HDAC9: variants seen among roughly 807,000 people sequenced by gnomAD.
HDAC9 encodes the protein histone deacetylase 9.
HDAC9 carries 41 observed loss-of-function variants against 139.4 expected under a neutral mutation model. The ratio of observed to expected loss-of-function variants is 0.29; its 90% confidence interval spans 0.23 to 0.38. The LOEUF (loss-of-function observed/expected upper bound fraction) is 0.38, where lower values mean the gene tolerates loss of function less well. Ranked by LOEUF, HDAC9 falls within the 10% of genes least tolerant of loss-of-function variation. The pLI, the probability that HDAC9 is intolerant of heterozygous loss-of-function variation, is 1.00. For synonymous variants in HDAC9, 517 were observed against 476.2 expected, an observed-to-expected ratio of 1.09 and a Z score of -1.12; for missense variants, 1,147 against 1,297.0, an observed-to-expected ratio of 0.88 and a Z score of 1.78.
intron 11 of HDAC9, 98 bp downstream of exon 11, chr7:18,648,781 T>A: frequency 3.0e-6 from 3 of 1,009,284 alleles, no homozygotes; most frequent in Admixed American, 4.3e-5. Context: ...TTGATGGGAG[T>A]CACAGCAAAA....
chr7:18,501,466 G>A (rs1429957148), intron 2 of HDAC9, among the ~76,000 whole-genome samples: 2 of 152,094 alleles, frequency 1.3e-5, no homozygotes, highest in Admixed American at 6.5e-5. Context: ...TTTGGAAATA[G>A]TATCTCTTAC....
At chr7:18,112,122 G>A (rs1367653798) in intron 1 of HDAC9, among the ~76,000 whole-genome samples, 1 of 152,218 alleles carries the variant, frequency 6.6e-6, no homozygotes, top group East Asian at 1.9e-4. Flanking sequence ...TATTATCTAT[G>A]CTCTTAAGGT....
At chr7:18,560,210 C>T (rs568411224) in intron 2 of HDAC9, among the ~76,000 whole-genome samples, 13 of 152,212 alleles carry the variant, frequency 8.5e-5, no homozygotes, top group African/African-American at 3.1e-4. Flanking sequence ...TATCTGTCAG[C>T]AGAGAGATAT....
chr7:18,579,799 G>A (rs1424037455), intron 2 of HDAC9, among the ~76,000 whole-genome samples: 1 of 152,044 alleles, frequency 6.6e-6, no homozygotes, highest in Non-Finnish European at 1.5e-5. Flanking sequence ...GCCTGTGTGT[G>A]TGTGTGTGTA....
chr7:18,337,714 A>C (rs1375949511), intron 1 of HDAC9, among the ~76,000 whole-genome samples: 1 of 151,756 alleles, frequency 6.6e-6, no homozygotes, highest in Non-Finnish European at 1.5e-5. Flanking sequence ...TTCATTATTG[A>C]ATGTATTTGA....
At chr7:18,968,205 A>G (rs1784009469) in intron 24 of HDAC9, among the ~76,000 whole-genome samples, 1 of 152,242 alleles carries the variant, frequency 6.6e-6, no homozygotes, top group African/African-American at 2.4e-5. Flanking sequence ...AGACAGTTCA[A>G]AATTTCTCTC....
At chr7:18,586,725 C>T (rs1255643853) in intron 3 of HDAC9, among the ~76,000 whole-genome samples, 1 of 151,952 alleles carries the variant, frequency 6.6e-6, no homozygotes, top group African/African-American at 2.4e-5. Context: ...ATATTTATTT[C>T]TTTTAGTAGT....
intron 2 of HDAC9, among the ~76,000 whole-genome samples, chr7:18,267,430 C>G (rs755186273): frequency 3.3e-5 from 5 of 152,018 alleles, no homozygotes; most frequent in Non-Finnish European, 7.4e-5. Context: ...ATCTTTTGAC[C>G]AAGAGCTCCC....
intron 2 of HDAC9, among the ~76,000 whole-genome samples, chr7:18,253,640 A>C (rs1795064545): frequency 6.6e-6 from 1 of 152,158 alleles, no homozygotes; most frequent in Non-Finnish European, 1.5e-5. Flanking sequence ...ATAAAGGATT[A>C]TTTCTCACCA....
chr7:18,560,978 G>T (rs116084329), intron 2 of HDAC9, among the ~76,000 whole-genome samples: 4 of 151,988 alleles, frequency 2.6e-5, no homozygotes, highest in Non-Finnish European at 5.9e-5. Flanking sequence ...TAAGACACTG[G>T]CGCCTTTGAA....
At chr7:18,679,381 G>A (rs559668204) in intron 12 of HDAC9, among the ~76,000 whole-genome samples, 14 of 151,846 alleles carry the variant, frequency 9.2e-5, no homozygotes, top group Middle Eastern at 6.8e-3. Context: ...CAATTACATT[G>A]GTTAAACTAT....
intron 1 of HDAC9, among the ~76,000 whole-genome samples, chr7:18,420,562 G>A (rs1789525194): frequency 6.6e-6 from 1 of 151,948 alleles, no homozygotes; most frequent in Non-Finnish European, 1.5e-5. Context: ...CATGCTGCAG[G>A]GTAAGTAAAG....
chr7:18,954,400 T>G, intron 24 of HDAC9, 170 bp downstream of exon 24: 1 of 547,988 alleles, frequency 1.8e-6, no homozygotes, highest in Non-Finnish European at 3.1e-6. Flanking sequence ...TATCTTACAC[T>G]GATGACAAAA....
intron 2 of HDAC9, among the ~76,000 whole-genome samples, chr7:18,239,651 A>G (rs183610065): frequency 9.8e-4 from 150 of 152,336 alleles, no homozygotes; most frequent in Non-Finnish European, 7.1e-4. Context: ...AAAACATTTC[A>G]GATGACATGA....
chr7:18,808,693 G>T (rs1325460391), intron 17 of HDAC9, among the ~76,000 whole-genome samples: 2 of 151,828 alleles, frequency 1.3e-5, no homozygotes, highest in African/African-American at 4.8e-5. Flanking sequence ...TGGACTGGAA[G>T]AATTAACATT....
intron 1 of HDAC9, among the ~76,000 whole-genome samples, chr7:18,139,506 G>A (rs1035284955): frequency 1.1e-4 from 17 of 152,002 alleles, no homozygotes; most frequent in African/African-American, 3.6e-4. Flanking sequence ...TACACACTAC[G>A]TTTGCTATTC....
At chr7:18,464,522 C>G (rs1252080671) in intron 1 of HDAC9, among the ~76,000 whole-genome samples, 1 of 151,994 alleles carries the variant, frequency 6.6e-6, no homozygotes, top group African/African-American at 2.4e-5. Context: ...CTTGTCTCTT[C>G]ACATGCCTAG....
At position 18,309,543 on chromosome 7, in the gene HDAC9, G is replaced by T. The variant is rs376814586; in HGVS notation, c.-42+19028G>T. Among the ~76,000 whole-genome samples the T allele has an allele frequency of 3.3e-4, 51 of 152,266 alleles. No individual in the cohort carries two copies. The East Asian group carries it at 4.4e-3, about 13-fold the overall frequency. ...TTCCATTCTCCCTGAGGAGAGAAAG[G>T]CCTCTATTCAGTCATAGATTACAGT... is the stretch of plus-strand genomic sequence containing the variant. On this transcript the variant is annotated intron_variant, in intron 1 of 3. Transcript: ENST00000413509.
chr7:18,339,787 G>A (rs1781862199), intron 1 of HDAC9, among the ~76,000 whole-genome samples: 1 of 151,388 alleles, frequency 6.6e-6, no homozygotes, highest in South Asian at 2.1e-4. Context: ...AATTTCTTGA[G>A]ATGTGTTATT....
Sources: allele counts gnomAD v4.1 joint callset (sites outside exome capture counted in the v4.1 genomes callset), GRCh38; gene constraint gnomAD v4.1.1; transcripts MANE v1.5; gene names NCBI Gene and HGNC (gene_info 2026-07-23, HGNC 2026-07-21).